MAGI1: variants seen among roughly 807,000 people sequenced by gnomAD.
MAGI1 encodes membrane associated guanylate kinase, WW and PDZ domain containing 1.
In MAGI1, 58 loss-of-function variants were observed where a neutral mutation model predicts 139.9. The observed-to-expected ratio is 0.41, with a 90% CI of 0.34 to 0.52. The LOEUF is 0.52. MAGI1 is among the 20% of genes least tolerant of loss of function. The pLI, the probability that MAGI1 is intolerant of heterozygous loss-of-function variation, is 0.12. For synonymous variants in MAGI1, 812 were observed against 737.9 expected, an observed-to-expected ratio of 1.10 and a Z score of -1.63; for missense variants, 1,874 against 1,901.6, an observed-to-expected ratio of 0.99 and a Z score of 0.27.
chr3:65,736,972 G>T (rs1330568341), intron 1 of MAGI1, among the ~76,000 whole-genome samples: 1 of 151,504 alleles, frequency 6.6e-6, no homozygotes, highest in Non-Finnish European at 1.5e-5. Context: ...AGCCAGAACT[G>T]ATTGTTAATA....
At chr3:65,880,748 C>A (rs1419258496) in intron 1 of MAGI1, among the ~76,000 whole-genome samples, 1 of 152,048 alleles carries the variant, frequency 6.6e-6, no homozygotes, top group Non-Finnish European at 1.5e-5. Flanking sequence ...GTTTTATTCA[C>A]TTAGTTCCAC....
chr3:65,846,974 T>TAAAAAAAAAA (rs1300326490), intron 1 of MAGI1, among the ~76,000 whole-genome samples: 1 of 22,318 alleles, frequency 4.5e-5, no homozygotes, highest in African/African-American at 5.3e-4. Context: ...AGCAATGTCT[T>TAAAAAAAAAA]ACAAAAAAAA....
intron 2 of MAGI1, among the ~76,000 whole-genome samples, chr3:65,515,080 A>G (rs1286286538): frequency 3.6e-5 from 5 of 138,108 alleles, no homozygotes; most frequent in Non-Finnish European, 4.6e-5. Context: ...AACACCACAT[A>G]TTCTCACTCA....
chr3:65,926,943 C>T (rs2062557557), intron 1 of MAGI1, among the ~76,000 whole-genome samples: 1 of 152,082 alleles, frequency 6.6e-6, no homozygotes, highest in East Asian at 1.9e-4. Flanking sequence ...TGCAGTGAGC[C>T]GAGATTGCGC....
chr3:65,364,604 A>G, intron 20 of MAGI1, 61 bp downstream of exon 20: 1 of 1,421,292 alleles, frequency 7.0e-7, no homozygotes. Context: ...CCATAAAAGT[A>G]GCTTGAGAAA....
chr3:65,688,175 G>C, intron 1 of MAGI1: 1 of 766,670 alleles, frequency 1.3e-6, no homozygotes, highest in South Asian at 1.3e-5. Flanking sequence ...ACCCCCGTGA[G>C]AGCGGCAACT....
intron 2 of MAGI1, among the ~76,000 whole-genome samples, chr3:65,523,614 C>T (rs2078256650): frequency 1.3e-5 from 2 of 152,108 alleles, no homozygotes; most frequent in Admixed American, 6.6e-5. Flanking sequence ...TTAGATATTG[C>T]ACAGATTAAG....
chr3:65,489,168 T>C (rs1316334418), intron 3 of MAGI1, among the ~76,000 whole-genome samples: 1 of 152,090 alleles, frequency 6.6e-6, no homozygotes, highest in Non-Finnish European at 1.5e-5. Context: ...CATAGGCTTG[T>C]TAGGAAGATT....
intron 1 of MAGI1, among the ~76,000 whole-genome samples, chr3:65,637,370 T>C (rs1234776622): frequency 6.6e-6 from 1 of 151,900 alleles, no homozygotes; most frequent in African/African-American, 2.4e-5. Context: ...CTTGGCAACA[T>C]GGCACAACCC....
chr3:65,822,005 G>A (rs904435382), intron 1 of MAGI1, among the ~76,000 whole-genome samples: 4 of 152,120 alleles, frequency 2.6e-5, no homozygotes, highest in Non-Finnish European at 4.4e-5. Context: ...AAGATGGAAA[G>A]CATCAAGTGC....
intron 1 of MAGI1, among the ~76,000 whole-genome samples, chr3:65,880,509 T>C (rs148241242): frequency 6.6e-6 from 1 of 152,272 alleles, no homozygotes; most frequent in African/African-American, 2.4e-5. Flanking sequence ...AGGAGAGCTA[T>C]ATGTTGGCAG....
At chr3:65,746,919 A>T (rs1437046582) in intron 1 of MAGI1, among the ~76,000 whole-genome samples, 1 of 152,210 alleles carries the variant, frequency 6.6e-6, no homozygotes, top group Non-Finnish European at 1.5e-5. Context: ...GCAAATACAC[A>T]TATTTTAGTA....
intron 1 of MAGI1, among the ~76,000 whole-genome samples, chr3:65,714,378 G>A (rs575638859): frequency 6.6e-6 from 1 of 152,084 alleles, no homozygotes; most frequent in South Asian, 2.1e-4. Flanking sequence ...GGAAAGAGCA[G>A]GCTTGCAGTA....
At chr3:65,633,725 T>A (rs2084439270) in intron 1 of MAGI1, among the ~76,000 whole-genome samples, 1 of 152,000 alleles carries the variant, frequency 6.6e-6, no homozygotes, top group Non-Finnish European at 1.5e-5. Flanking sequence ...GATAGTGGAA[T>A]AACATCTGTT....
chr3:65,991,928 T>C (rs921558189), intron 1 of MAGI1, among the ~76,000 whole-genome samples: 2 of 152,030 alleles, frequency 1.3e-5, no homozygotes, highest in East Asian at 1.9e-4. Context: ...GGCAGGAGAA[T>C]TGCCTGAACC....
At chr3:65,902,332 C>A (rs1235747374) in intron 1 of MAGI1, among the ~76,000 whole-genome samples, 1 of 152,156 alleles carries the variant, frequency 6.6e-6, no homozygotes, top group East Asian at 1.9e-4. Flanking sequence ...AGTCTGAATG[C>A]AAGCCCAACC....
chr3:65,584,579 CAT>C (rs1404688662), intron 2 of MAGI1, among the ~76,000 whole-genome samples: 2 of 152,122 alleles, frequency 1.3e-5, no homozygotes, highest in Non-Finnish European at 1.5e-5. Flanking sequence ...TTTGAAAAAA[CAT>C]ATAAAAGCAG....
chr3:65,481,696 G>C (rs1023252286), intron 3 of MAGI1, among the ~76,000 whole-genome samples: 2 of 152,106 alleles, frequency 1.3e-5, no homozygotes, highest in African/African-American at 4.8e-5. Flanking sequence ...AACTGAAGTA[G>C]CATTCATAAA....
intron 1 of MAGI1, among the ~76,000 whole-genome samples, chr3:65,693,703 T>TTTTGTTGTTG (rs1553692477): frequency 2.6e-5 from 4 of 151,786 alleles, no homozygotes; most frequent in Non-Finnish European, 5.9e-5. Flanking sequence ...AGAACAGTTT[T>TTTTGTTGTTG]TTTTTGTTTT....
Sources: allele counts gnomAD v4.1 joint callset (sites outside exome capture counted in the v4.1 genomes callset), GRCh38; gene constraint gnomAD v4.1.1; transcripts MANE v1.5; gene names NCBI Gene and HGNC (gene_info 2026-07-23, HGNC 2026-07-21).